RASSF8: variants seen among roughly 807,000 people sequenced by gnomAD.
The protein encoded by RASSF8 is ras association domain-containing protein 8.
Under a neutral mutation model 48.5 loss-of-function variants are expected in RASSF8, and 22 were observed. The observed-to-expected ratio is 0.45, with a 90% CI of 0.32 to 0.65. The LOEUF is 0.65. Ranked by LOEUF, RASSF8 falls within the 30% of genes least tolerant of loss-of-function variation. The pLI, the probability that RASSF8 is intolerant of heterozygous loss-of-function variation, is 0.03. For missense variants in RASSF8, 418 were observed against 489.2 expected, an observed-to-expected ratio of 0.85 and a Z score of 1.37; for synonymous variants, 127 against 171.5, an observed-to-expected ratio of 0.74 and a Z score of 2.03.
chr12:26,076,153 G>T (rs891134295), downstream of RASSF8, among the ~76,000 whole-genome samples: 1 of 151,914 alleles, frequency 6.6e-6, no homozygotes, highest in African/African-American at 2.4e-5. Flanking sequence ...TCTTTCCCAG[G>T]CTACATATTC....
intron 2 of RASSF8, among the ~76,000 whole-genome samples, chr12:26,018,640 C>G (rs952548418): frequency 6.6e-6 from 1 of 151,898 alleles, no homozygotes; most frequent in Non-Finnish European, 1.5e-5. Context: ...TGTAGGTGAC[C>G]CTATGTTGTT....
At chr12:26,035,715 G>C (rs1318164852) in intron 2 of RASSF8, among the ~76,000 whole-genome samples, 1 of 142,022 alleles carries the variant, frequency 7.0e-6, no homozygotes, top group East Asian at 2.0e-4. Flanking sequence ...AATGTTAACT[G>C]TGTGAAGTTC....
At chr12:26,007,411 A>G (rs1942418495) in intron 2 of RASSF8, among the ~76,000 whole-genome samples, 2 of 152,320 alleles carry the variant, frequency 1.3e-5, no homozygotes, top group South Asian at 4.1e-4. Flanking sequence ...CATTACCTAG[A>G]CTTGAGGCTT....
At chr12:25,974,413 G>A (rs1286616535) in intron 1 of RASSF8, among the ~76,000 whole-genome samples, 1 of 151,986 alleles carries the variant, frequency 6.6e-6, no homozygotes, top group Non-Finnish European at 1.5e-5. Context: ...TTTTTCCAAA[G>A]GTATTTATCC....
chr12:25,986,795 G>C (rs1461783896), intron 1 of RASSF8, among the ~76,000 whole-genome samples: 1 of 152,046 alleles, frequency 6.6e-6, no homozygotes. Context: ...TTCTTTTGCT[G>C]CCTCTTCTCT....
At chr12:25,984,224 CTTTTTTTT>C (rs57275940) in intron 1 of RASSF8, among the ~76,000 whole-genome samples, 1 of 86,734 alleles carries the variant, frequency 1.2e-5, no homozygotes, top group African/African-American at 4.5e-5. Flanking sequence ...CTACACGTAG[CTTTTTTTT>C]TTTTTTTTTT....
intron 2 of RASSF8, among the ~76,000 whole-genome samples, chr12:25,999,728 G>A (rs1333227665): frequency 6.6e-6 from 1 of 152,112 alleles, no homozygotes; most frequent in Non-Finnish European, 1.5e-5. Flanking sequence ...AAGTTCCCAA[G>A]GCAATCAACT....
chr12:26,056,185 T>TAAATA (rs945755471), intron 3 of RASSF8, among the ~76,000 whole-genome samples: 5 of 152,042 alleles, frequency 3.3e-5, no homozygotes, highest in African/African-American at 4.8e-5. Flanking sequence ...TCGGTCTCAA[T>TAAATA]AAATAAAATA....
chr12:26,070,733 A>ACAC lies in RASSF8; in HGVS notation c.*1915_*1916insCAC. ...AAGTCATTTTGTTGTTGTTCAGAGA[A>ACAC]ATCAAGATCTTATTCACAAAGAAAA... is the stretch of plus-strand genomic sequence containing the variant. On this transcript the variant is annotated 3_prime_UTR_variant, in exon 6 of 6. Coordinates refer to ENST00000689635, the MANE Select transcript of RASSF8 (RefSeq NM_001394098.1). 1.0e-6 allele frequency: 1 copy of ACAC among 967,280 alleles called. No individual in the cohort carries two copies. Among genetic ancestry groups the ACAC allele is most frequent in the African/African-American group, 1.8e-5 (1 of 56,878 alleles). 59.9% of individuals were successfully genotyped at this position (967,280 alleles called of 1,614,324 possible).
chr12:26,069,383 G>T lies in RASSF8; in HGVS notation c.*565G>T. On this transcript the variant is annotated 3_prime_UTR_variant, in exon 6 of 6. Coordinates refer to ENST00000689635, the MANE Select transcript of RASSF8 (RefSeq NM_001394098.1). ...AGGAAGCCACTTGCATTTGTTTTGT[G>T]AAACTGTCCTAGCCATTGCTTAATT... 3.0e-6 allele frequency: 3 copies of T among 985,134 alleles called. No individual in the cohort carries two copies. The highest frequency in any genetic ancestry group is 9.4e-5 in the South Asian group (2 of 21,280). The allele number at this position is 985,134 out of a possible 1,614,324, so 61.0% of individuals were successfully genotyped here. A position where few individuals can be genotyped will look rare whatever the true frequency, so the allele number is the denominator to read the frequency against.
At chr12:26,061,606 A>G (rs183366587) in intron 3 of RASSF8, among the ~76,000 whole-genome samples, 1 of 152,304 alleles carries the variant, frequency 6.6e-6, no homozygotes. Flanking sequence ...TTAAGATTAC[A>G]TCAAAATAGT....
At chr12:25,970,683 C>G (rs1036997091) in intron 1 of RASSF8, among the ~76,000 whole-genome samples, 1 of 152,170 alleles carries the variant, frequency 6.6e-6, no homozygotes, top group Non-Finnish European at 1.5e-5. Context: ...CACAGGACCT[C>G]GGACATCTGG....
intron 2 of RASSF8, among the ~76,000 whole-genome samples, chr12:26,007,349 A>G (rs577107196): frequency 4.9e-4 from 74 of 152,288 alleles, no homozygotes; most frequent in Middle Eastern, 3.4e-3. Context: ...CCTTTTCACC[A>G]TTGTCTTTCA....
chr12:26,079,082 C>T (rs1323666941), exon 6 of RASSF8: 3 of 1,539,742 alleles, frequency 1.9e-6, no homozygotes, highest in African/African-American at 2.8e-5. Context: ...AGATATCACA[C>T]CAAAAGCTCA....
chr12:26,031,791 A>G (rs1943035371), intron 2 of RASSF8, among the ~76,000 whole-genome samples: 2 of 152,336 alleles, frequency 1.3e-5, no homozygotes, highest in Non-Finnish European at 2.9e-5. Flanking sequence ...GCAGCCACAC[A>G]TGTAAAACTA....
intron 1 of RASSF8, among the ~76,000 whole-genome samples, chr12:25,981,401 CTCTG>C (rs1355711238): frequency 2.6e-5 from 4 of 152,162 alleles, no homozygotes; most frequent in Non-Finnish European, 5.9e-5. Flanking sequence ...GGCCATGATC[CTCTG>C]TCTGGCCTGC....
intron 2 of RASSF8, among the ~76,000 whole-genome samples, chr12:26,017,848 A>G (rs1213969227): frequency 6.6e-6 from 1 of 152,214 alleles, no homozygotes; most frequent in Admixed American, 6.5e-5. Context: ...TCTAGGAAAA[A>G]GTATTTTAAG....
chr12:25,989,599 T>C (rs1941966871), intron 1 of RASSF8, among the ~76,000 whole-genome samples: 1 of 152,024 alleles, frequency 6.6e-6, no homozygotes, highest in Non-Finnish European at 1.5e-5. Context: ...TCCAAACTGG[T>C]TTAAACAAAA....
intron 2 of RASSF8, among the ~76,000 whole-genome samples, chr12:26,026,297 C>T (rs897682405): frequency 6.6e-6 from 1 of 152,054 alleles, no homozygotes; most frequent in Non-Finnish European, 1.5e-5. Flanking sequence ...AGAAAATTGA[C>T]AAAGTATCTC....
Sources: allele counts gnomAD v4.1 joint callset (sites outside exome capture counted in the v4.1 genomes callset), GRCh38; gene constraint gnomAD v4.1.1; transcripts MANE v1.5; gene names NCBI Gene and HGNC (gene_info 2026-07-23, HGNC 2026-07-21).